USP22: variants seen among roughly 807,000 people sequenced by gnomAD.
The protein encoded by USP22 is ubiquitin carboxyl-terminal hydrolase 22.
In USP22, 22 loss-of-function variants were observed where a neutral mutation model predicts 68.1. The ratio of observed to expected loss-of-function variants is 0.32; its 90% CI spans 0.23 to 0.46. USP22 has a LOEUF of 0.46. Among genes scored for constraint, USP22 ranks in the 20% least tolerant of loss-of-function variants. The pLI is 1.00. For missense variants in USP22, 433 were observed against 695.8 expected (o/e 0.62, Z 4.25); for synonymous variants, 279 against 274.2 (o/e 1.02, Z -0.17).
chr17:21,027,292 C>CAAAAAAAAAAAAAAAAAAAAAAA lies in USP22; in HGVS notation c.304+1249_304+1250insTTTTTTTTTTTTTTTTTTTTTTT, dbSNP rs71357459. Among the ~76,000 whole-genome samples the CAAAAAAAAAAAAAAAAAAAAAAA allele has an allele frequency of 1.1e-3, 79 of 72,236 alleles. 6 individuals carry two copies. Among genetic ancestry groups the CAAAAAAAAAAAAAAAAAAAAAAA allele is most frequent in the Non-Finnish European group, 1.8e-3 (67 of 37,190 alleles). The allele number at this position is 72,236 out of a possible 152,430, so 47.4% of individuals were successfully genotyped here. A position where few individuals can be genotyped will look rare whatever the true frequency, so the allele number is the denominator to read the frequency against. Reference sequence around the variant, plus strand: ...TCCAGACAAAGCGAGACCCTGTCTCCAAAAAAAAAAAAAAAAAATCAGACA... The same window carrying CAAAAAAAAAAAAAAAAAAAAAAA: ...TCCAGACAAAGCGAGACCCTGTCTCCAAAAAAAAAAAAAAAAAAAAAAAAAAAAAAAAAAAAAAAAATCAGACA... On this transcript the variant is annotated intron_variant, in intron 2 of 12. Coordinates refer to ENST00000261497, the MANE Select transcript of USP22 (RefSeq NM_015276.2).
Position 21,036,030 on chromosome 17 carries a change from C to CAAAA in USP22, c.171+6631_171+6634dup, listed in dbSNP as rs35324126. Among the ~76,000 whole-genome samples the CAAAA allele has an allele frequency of 5.7e-4, 34 of 59,632 alleles. 2 individuals carry two copies. The highest frequency in any genetic ancestry group is 2.3e-3 in the African/African-American group (26 of 11,262). The allele number at this position is 59,632 out of a possible 152,430, so 39.1% of individuals were successfully genotyped here. ...TGGGCGACAGAGCAAGACTCCGTCTCAAAAAAAAAAAAAAAAAAAAAAAAA... is the reference window on the plus strand; with the variant it reads ...TGGGCGACAGAGCAAGACTCCGTCTCAAAAAAAAAAAAAAAAAAAAAAAAAAAAA... On this transcript the variant is annotated intron_variant, in intron 1 of 12. Coordinates refer to ENST00000261497, the MANE Select transcript of USP22 (RefSeq NM_015276.2).
chr17:21,007,445 G>A (rs756422782), intron 9 of USP22, among the ~76,000 whole-genome samples: 1 of 152,128 alleles, frequency 6.6e-6, no homozygotes, highest in East Asian at 1.9e-4. Context: ...ACAGAGAATC[G>A]TATGATCGCA....
At chr17:21,021,964 G>A (rs1972161406) in intron 2 of USP22, among the ~76,000 whole-genome samples, 2 of 152,120 alleles carry the variant, frequency 1.3e-5, no homozygotes, top group Non-Finnish European at 2.9e-5. Context: ...GCCAGGCATG[G>A]TGGCACACGC....
intron 1 of USP22, among the ~76,000 whole-genome samples, chr17:21,035,111 G>C (rs1237121370): frequency 6.6e-6 from 1 of 152,170 alleles, no homozygotes; most frequent in African/African-American, 2.4e-5. Context: ...GTACTGACCA[G>C]CTTAGGCTAG....
In USP22 at chr17:21,004,410, C is replaced by T. The variant is rs1200191115; in HGVS notation, c.1386-59G>A. On this transcript the variant is annotated intron_variant, in intron 11 of 12. Coordinates refer to ENST00000261497, the MANE Select transcript of USP22 (RefSeq NM_015276.2). ...GTGACTTGATGCCGTCACTTGAGGT[C>T]ATCACCATCAGAAACCAGGCAGCCC... 9.4e-6 allele frequency: 15 copies of T among 1,594,380 alleles called. No individual in the cohort carries two copies. In the East Asian group the frequency reaches 3.4e-4, roughly 36 times the overall value.
intron 1 of USP22, among the ~76,000 whole-genome samples, chr17:21,033,233 G>C (rs2143632161): frequency 6.6e-6 from 1 of 152,258 alleles, no homozygotes; most frequent in South Asian, 2.1e-4. Flanking sequence ...AATGATTTCT[G>C]AATTAAATCC....
intron 5 of USP22, among the ~76,000 whole-genome samples, chr17:21,017,692 G>A (rs1333257730): frequency 1.3e-5 from 2 of 152,200 alleles, no homozygotes; most frequent in African/African-American, 4.8e-5. Flanking sequence ...ACCCACCAGG[G>A]AAGTCTCTGC....
intron 5 of USP22, 152 bp downstream of exon 5, chr17:21,017,790 T>A: frequency 9.9e-7 from 1 of 1,011,762 alleles, no homozygotes; most frequent in Non-Finnish European, 1.4e-6. Flanking sequence ...TGGAAAACTG[T>A]GTTTTCCATA....
chr17:21,000,565 G>C lies in USP22; in HGVS notation c.*2466C>G, dbSNP rs576665448. The C allele has an allele frequency of 6.6e-6, 1 of 152,364 alleles. No individual in the cohort carries two copies. The highest frequency in any genetic ancestry group is 2.4e-5 in the African/African-American group (1 of 41,570). 9.4% of individuals were successfully genotyped at this position (152,364 alleles called of 1,614,324 possible). ...CTGAATGCAAGTGGAGACAGGAAGG[G>C]GACTAGGGGTTGGCCGGCGGGAGGG... On this transcript the variant is annotated 3_prime_UTR_variant, in exon 13 of 13. Coordinates refer to ENST00000261497, the MANE Select transcript of USP22 (RefSeq NM_015276.2).
At chr17:21,015,617 C>T in intron 6 of USP22, 135 bp downstream of exon 6, 2 of 1,257,688 alleles carry the variant, frequency 1.6e-6, no homozygotes, top group Non-Finnish European at 2.1e-6. Flanking sequence ...CAAATGACGA[C>T]AAGGGCTATG....
At chr17:21,032,152 C>T (rs1266063300) in intron 1 of USP22, among the ~76,000 whole-genome samples, 5 of 128,708 alleles carry the variant, frequency 3.9e-5, no homozygotes, top group Non-Finnish European at 6.0e-5. Flanking sequence ...GTGTTCAGTA[C>T]GGTACGTGCT....
At chr17:21,018,887 C>T (rs1972120864) in intron 4 of USP22, among the ~76,000 whole-genome samples, 197 bp downstream of exon 4, 1 of 152,214 alleles carries the variant, frequency 6.6e-6, no homozygotes, top group Admixed American at 6.5e-5. Context: ...TGTTGCTACG[C>T]ATCACTCTGC....
At chr17:21,015,730 G>A in intron 6 of USP22, 22 bp downstream of exon 6, 10 of 1,597,394 alleles carry the variant, frequency 6.3e-6, no homozygotes, top group Non-Finnish European at 8.5e-6. Flanking sequence ...CCCTGGTGGA[G>A]GGTGCAGAGC....
intron 6 of USP22, 97 bp from the exon 7 acceptor site, chr17:21,013,032 G>A (rs1567792172): frequency 4.4e-6 from 5 of 1,140,180 alleles, no homozygotes; most frequent in East Asian, 4.8e-5. Context: ...GGGGGAGCCA[G>A]GGCCAACGCT....
intron 5 of USP22, 29 bp downstream of exon 5, chr17:21,017,913 G>A: frequency 1.2e-6 from 2 of 1,606,360 alleles, no homozygotes; most frequent in South Asian, 1.1e-5. Context: ...TAACAGAAAT[G>A]TTCCCCTGCA....
intron 2 of USP22, among the ~76,000 whole-genome samples, 157 bp from the exon 3 acceptor site, chr17:21,021,383 A>G (rs1972154672): frequency 6.6e-6 from 1 of 152,198 alleles, no homozygotes; most frequent in Admixed American, 6.5e-5. Flanking sequence ...GGAGTCTCCT[A>G]TCCTGAGCAG....
chr17:21,036,602 G>C (rs902317384), intron 1 of USP22, among the ~76,000 whole-genome samples: 1 of 151,886 alleles, frequency 6.6e-6, no homozygotes, highest in African/African-American at 2.4e-5. Context: ...AGCACAACAG[G>C]TAAGTAAGTA....
chr17:21,020,468 T>C (rs957789917), intron 3 of USP22, among the ~76,000 whole-genome samples: 3 of 152,148 alleles, frequency 2.0e-5, no homozygotes, highest in African/African-American at 7.2e-5. Context: ...GTGGGGCTGC[T>C]GGGAGACTCT....
intron 2 of USP22, among the ~76,000 whole-genome samples, chr17:21,022,809 A>AC (rs1555530105): frequency 2.0e-5 from 3 of 149,574 alleles, no homozygotes; most frequent in Non-Finnish European, 4.5e-5. Context: ...AAAAAAAAAA[A>AC]AAAACCAAAT....
Sources: gnomAD v4.1 joint callset for allele counts (sites outside exome capture counted in the v4.1 genomes callset) on GRCh38, gnomAD v4.1.1 for gene constraint, MANE v1.5 for transcripts, NCBI Gene and HGNC (gene_info 2026-07-23, HGNC 2026-07-21) for gene names.